SPAG16: variants seen among roughly 807,000 people sequenced by gnomAD.
SPAG16 encodes the protein sperm-associated antigen 16 protein.
SPAG16 carries 86 observed loss-of-function variants against 80.4 expected under a neutral mutation model. The ratio of observed to expected loss-of-function variants is 1.07; its 90% confidence interval spans 0.90 to 1.28. The LOEUF is 1.28. Ranked by LOEUF, SPAG16 falls within the 50% of genes most tolerant of loss-of-function variation. SPAG16 has a pLI of 0.00. For synonymous variants in SPAG16, 294 were observed against 265.9 expected (o/e 1.11, Z -1.03); for missense variants, 870 against 765.3 (o/e 1.14, Z -1.61).
intron 15 of SPAG16, among the ~76,000 whole-genome samples, chr2:214,323,764 C>A (rs1696275993): frequency 6.6e-6 from 1 of 152,160 alleles, no homozygotes; most frequent in Non-Finnish European, 1.5e-5. Flanking sequence ...TTATTGTTTC[C>A]TTAACATTTA....
At chr2:214,206,977 A>G (rs73081043) in intron 15 of SPAG16, among the ~76,000 whole-genome samples, 1 of 152,192 alleles carries the variant, frequency 6.6e-6, no homozygotes, top group Non-Finnish European at 1.5e-5. Context: ...CAGAAAAACC[A>G]TTGCCAGAGG....
At chr2:213,572,589 G>A (rs548577480) in intron 10 of SPAG16, among the ~76,000 whole-genome samples, 17 of 152,274 alleles carry the variant, frequency 1.1e-4, no homozygotes, top group African/African-American at 4.1e-4. Flanking sequence ...GAGGCAGTCG[G>A]CGGGTTCTCA....
intron 10 of SPAG16, among the ~76,000 whole-genome samples, chr2:213,785,809 A>G: frequency 6.6e-6 from 1 of 151,986 alleles, no homozygotes; most frequent in East Asian, 1.9e-4. Context: ...GAGACTGAGA[A>G]CATCCTGGCC....
intron 10 of SPAG16, among the ~76,000 whole-genome samples, chr2:213,848,897 T>C (rs1470269518): frequency 6.6e-6 from 1 of 152,160 alleles, no homozygotes; most frequent in African/African-American, 2.4e-5. Context: ...TAGAAACTTA[T>C]TCAGTCTTAG....
At chr2:213,473,461 G>A (rs1031960330) in intron 9 of SPAG16, among the ~76,000 whole-genome samples, 1 of 152,164 alleles carries the variant, frequency 6.6e-6, no homozygotes, top group Non-Finnish European at 1.5e-5. Context: ...CATTGGTCAA[G>A]TTATATCTTC....
At chr2:213,906,224 C>G (rs2077426808) in intron 11 of SPAG16, among the ~76,000 whole-genome samples, 3 of 151,722 alleles carry the variant, frequency 2.0e-5, no homozygotes, top group South Asian at 2.1e-4. Flanking sequence ...AATAATGAAC[C>G]AGCTGGAAAA....
intron 10 of SPAG16, among the ~76,000 whole-genome samples, chr2:213,658,657 C>A (rs1316831405): frequency 1.3e-5 from 2 of 152,112 alleles, no homozygotes; most frequent in Admixed American, 1.3e-4. Flanking sequence ...AAATAGCTTG[C>A]CCCAGAGTCT....
chr2:214,209,076 C>T (rs1238977400), intron 15 of SPAG16, among the ~76,000 whole-genome samples: 2 of 151,938 alleles, frequency 1.3e-5, no homozygotes, highest in African/African-American at 4.8e-5. Context: ...TTTATTTCTC[C>T]CAATGCTATC....
chr2:213,716,970 C>A (rs780863949), intron 10 of SPAG16, among the ~76,000 whole-genome samples: 16 of 151,886 alleles, frequency 1.1e-4, no homozygotes, highest in Non-Finnish European at 2.2e-4. Flanking sequence ...ATAGTTTGTG[C>A]TTATTTTTTT....
chr2:213,817,872 C>T (rs891185980), intron 10 of SPAG16, among the ~76,000 whole-genome samples: 1 of 152,116 alleles, frequency 6.6e-6, no homozygotes, highest in African/African-American at 2.4e-5. Context: ...ACTATATAGG[C>T]TGACTACCTG....
intron 15 of SPAG16, among the ~76,000 whole-genome samples, chr2:214,331,464 A>G (rs1352605126): frequency 6.6e-6 from 1 of 152,218 alleles, no homozygotes; most frequent in Non-Finnish European, 1.5e-5. Flanking sequence ...CCCTGAGAAT[A>G]CATCCACATT....
rs1575287909 is a variant in SPAG16 at position 213,833,529 on chromosome 2, T to C, written c.1071-28956T>C. Among the ~76,000 whole-genome samples the C allele has an allele frequency of 9.7e-4, 2 of 2,062 alleles. 1 individual carries two copies. Among genetic ancestry groups the C allele is most frequent in the Admixed American group, 0.024 (2 of 82 alleles). 1.4% of individuals were successfully genotyped at this position (2,062 alleles called of 152,430 possible). On this transcript the variant is annotated intron_variant, in intron 10 of 15. Transcript: ENST00000331683. ...TTATATATAATATATATAATATATA[T>C]ATTATATATAATATATATAATATAT...
At chr2:213,850,623 T>C (rs765770778) in intron 10 of SPAG16, among the ~76,000 whole-genome samples, 13 of 152,168 alleles carry the variant, frequency 8.5e-5, no homozygotes, top group South Asian at 2.1e-4. Flanking sequence ...AGAGAAGGTT[T>C]TATGGCTTGC....
At chr2:213,316,013 A>G (rs962295474) in intron 4 of SPAG16, among the ~76,000 whole-genome samples, 2 of 151,812 alleles carry the variant, frequency 1.3e-5, no homozygotes, top group African/African-American at 4.8e-5. Flanking sequence ...TTTCAGTCTC[A>G]TGACTTTAAA....
chr2:213,892,679 C>T (rs558346653), intron 11 of SPAG16, among the ~76,000 whole-genome samples: 16 of 152,106 alleles, frequency 1.1e-4, no homozygotes, highest in South Asian at 2.1e-4. Context: ...AAAAATTCAT[C>T]GAAGACTCTC....
intron 10 of SPAG16, among the ~76,000 whole-genome samples, chr2:213,795,686 G>C (rs996691598): frequency 6.6e-6 from 1 of 152,116 alleles, no homozygotes; most frequent in African/African-American, 2.4e-5. Context: ...TTCATGAATG[G>C]TTTAGCACCA....
chr2:213,901,363 C>T (rs2077213763), intron 11 of SPAG16, among the ~76,000 whole-genome samples: 1 of 152,060 alleles, frequency 6.6e-6, no homozygotes, highest in South Asian at 2.1e-4. Flanking sequence ...GCTAGTAAGG[C>T]CTGAACGCAT....
intron 10 of SPAG16, among the ~76,000 whole-genome samples, chr2:213,683,329 T>A (rs2064488344): frequency 6.6e-6 from 1 of 152,158 alleles, no homozygotes; most frequent in African/African-American, 2.4e-5. Flanking sequence ...GCCGGGCAGA[T>A]CACTTGAGGT....
intron 15 of SPAG16, among the ~76,000 whole-genome samples, chr2:214,386,044 G>T (rs1267108908): frequency 6.6e-6 from 1 of 151,948 alleles, no homozygotes; most frequent in Admixed American, 6.6e-5. Flanking sequence ...CATATTATCT[G>T]CCTTTTATAA....
Sources: allele counts gnomAD v4.1 joint callset (sites outside exome capture counted in the v4.1 genomes callset), GRCh38; gene constraint gnomAD v4.1.1; transcripts MANE v1.5; gene names NCBI Gene and HGNC (gene_info 2026-07-23, HGNC 2026-07-21).